The following CASS4 variants were observed in gnomAD, a reference collection of about 807,000 sequenced individuals.
CASS4 encodes cas scaffolding protein family member 4.
Under a neutral mutation model 54.2 loss-of-function variants are expected in CASS4, and 22 were observed. The observed-to-expected ratio is 0.41, with a 90% CI of 0.29 to 0.58. The LOEUF (loss-of-function observed/expected upper bound fraction) is 0.58. Among genes scored for constraint, CASS4 ranks in the 20% least tolerant of loss-of-function variants. The pLI is 0.36. For missense variants in CASS4, 854 were observed against 986.7 expected, an observed-to-expected ratio of 0.87 and a Z score of 1.80; for synonymous variants, 409 against 391.5, an observed-to-expected ratio of 1.04 and a Z score of -0.53.
At chr20:56,450,723 A>G (rs765902094) in intron 4 of CASS4, 44 bp downstream of exon 4, 6 of 1,574,296 alleles carry the variant, frequency 3.8e-6, no homozygotes, top group African/African-American at 2.7e-5. Flanking sequence ...TGAACACACA[A>G]AATCCTCTCA....
In CASS4 at chr20:56,452,021, C is replaced by T. The variant is rs199808780; in HGVS notation, c.845C>T (p.Pro282Leu). The T allele has an allele frequency of 1.9e-4, 302 of 1,614,220 alleles. 1 individual carries two copies. The South Asian group carries it at 2.8e-3, about 15-fold the overall frequency. The change falls in exon 5 of 6, where the codon CCT becomes CTT. Residue 282 changes from proline (P) to leucine (L), a missense_variant. Pro to Leu is a moderately conservative substitution (Grantham distance 98). Coordinates refer to ENST00000679887, the MANE Select transcript of CASS4 (RefSeq NM_020356.4). ...AGTTCCAGCTCCACTTTCTACAATCCTCCAAGTGGCAGATCCAGGTCCCTC... is the reference window on the plus strand; with the variant it reads ...AGTTCCAGCTCCACTTTCTACAATCTTCCAAGTGGCAGATCCAGGTCCCTC... ...LPSSSSTFYNPPSGRSRSLTP... is the reference protein window; with the variant it reads ...LPSSSSTFYNLPSGRSRSLTP...
chr20:56,437,499 G>A lies in CASS4; in HGVS notation c.372G>A (p.Gln124=), dbSNP rs781026591. ...EQMRSWAEGP[Q]PPTAQVYEFP... is the part of the protein sequence containing the mutation. ...TGAGGAGTTGGGCGGAGGGGCCCCAGCCCCCTACTGCCCAAGTCTATGAAT... is the reference window on the plus strand; with the variant it reads ...TGAGGAGTTGGGCGGAGGGGCCCCAACCCCCTACTGCCCAAGTCTATGAAT... Residue 124 remains glutamine, a synonymous_variant, in exon 2 of 6, where the codon CAG becomes CAA. Coordinates refer to ENST00000679887, the MANE Select transcript of CASS4 (RefSeq NM_020356.4). The surrounding 1 kb of genome is among the most constrained non-coding windows in gnomAD (Gnocchi z 4.7). 4 of 1,603,880 alleles carry A rather than the reference G, an allele frequency of 2.5e-6. No homozygotes were observed. The highest frequency in any genetic ancestry group is 1.7e-5 in the Admixed American group (1 of 58,202).
intron 1 of CASS4, among the ~76,000 whole-genome samples, chr20:56,434,622 T>C (rs1297242560): frequency 6.6e-6 from 1 of 151,624 alleles, no homozygotes; most frequent in Non-Finnish European, 1.5e-5. Flanking sequence ...TTTTTTTGTA[T>C]TTTTAGTAGA....
At chr20:56,449,211 A>G (rs1245559611) in intron 3 of CASS4, among the ~76,000 whole-genome samples, 1 of 152,216 alleles carries the variant, frequency 6.6e-6, no homozygotes, top group Non-Finnish European at 1.5e-5. Flanking sequence ...AACCAACCCA[A>G]ATGTCCACCA....
intron 1 of CASS4, among the ~76,000 whole-genome samples, chr20:56,416,463 C>T (rs1011640233): frequency 2.8e-4 from 43 of 152,106 alleles, no homozygotes; most frequent in Non-Finnish European, 5.9e-5. Context: ...GCCTTAGTTA[C>T]GAAAATAGAG....
chr20:56,426,696 G>A (rs1477660967), intron 1 of CASS4, among the ~76,000 whole-genome samples: 1 of 152,060 alleles, frequency 6.6e-6, no homozygotes, highest in Non-Finnish European at 1.5e-5. Context: ...TCCAGCCTCA[G>A]CCTCCCAAGT....
chr20:56,451,479 G>A (rs376900), intron 4 of CASS4, among the ~76,000 whole-genome samples: 65,758 of 151,034 alleles, frequency 0.44, 14,385 homozygotes, highest in South Asian at 0.54. Flanking sequence ...GATGCATAGG[G>A]GTTTGGTGGA....
chr20:56,436,633 AAC>A (rs1239026878), intron 1 of CASS4, among the ~76,000 whole-genome samples: 10 of 152,010 alleles, frequency 6.6e-5, no homozygotes, highest in Non-Finnish European at 5.9e-5. Context: ...TGAACTACAT[AAC>A]TACAAGGGTC....
Position 56,458,602 on chromosome 20 carries a change from A to C in CASS4, c.2216A>C (p.His739Pro). Residue 739 changes from histidine (H) to proline (P), a missense_variant, in exon 6 of 6, where the codon CAC (histidine) becomes CCC (proline). Physicochemically the swap from His to Pro is moderately conservative, Grantham distance 77. Transcript: ENST00000679887. ...VRNEILRGSSHLCSLLKDVAL... is the reference protein window; with the variant it reads ...VRNEILRGSSPLCSLLKDVAL... ...AACGAGATCCTCCGTGGCAGCAGTC[A>C]CCTCTGCAGCCTGCTCAAGGACGTA... is the stretch of plus-strand genomic sequence containing the variant. 1.9e-6 allele frequency: 3 copies of C among 1,613,908 alleles called. No individual in the cohort carries two copies. Among genetic ancestry groups the C allele is most frequent in the East Asian group, 2.2e-5 (1 of 44,880 alleles).
chr20:56,445,452 C>T (rs972188650), intron 2 of CASS4, among the ~76,000 whole-genome samples: 3 of 152,178 alleles, frequency 2.0e-5, no homozygotes, highest in Admixed American at 1.3e-4. Flanking sequence ...CTGCCTATTG[C>T]GTGCACTTCT....
rs759018577 is a variant in CASS4, at chr20:56,452,934, C to T, written c.1758C>T (p.Leu586=). 1.9e-6 allele frequency: 3 copies of T among 1,613,966 alleles called. No homozygotes were observed. Among genetic ancestry groups the T allele is most frequent in the East Asian group, 2.2e-5 (1 of 44,866 alleles). ...FASIVIANGR[L]LFKRNCEKEE... ...CCATTGTCATTGCCAATGGAAGGCT[C>T]CTTTTTAAGCGGAACTGTGAAAAGG... is the stretch of plus-strand genomic sequence containing the variant. Residue 586 remains leucine, a synonymous_variant, in exon 5 of 6, where the codon CTC becomes CTT. Transcript: ENST00000679887.
At chr20:56,422,955 C>T (rs112472677) in intron 1 of CASS4, among the ~76,000 whole-genome samples, 61 of 152,312 alleles carry the variant, frequency 4.0e-4, no homozygotes, top group African/African-American at 1.3e-3. Flanking sequence ...TATTTGCATC[C>T]ATTTGGATGG....
intron 1 of CASS4, among the ~76,000 whole-genome samples, chr20:56,432,162 A>G (rs189680368): frequency 3.9e-5 from 6 of 152,296 alleles, no homozygotes; most frequent in African/African-American, 1.4e-4. Context: ...AAGGCATATT[A>G]GAGTGTGATT....
chr20:56,447,669 C>G (rs1234986834), intron 3 of CASS4, among the ~76,000 whole-genome samples: 1 of 152,232 alleles, frequency 6.6e-6, no homozygotes, highest in Non-Finnish European at 1.5e-5. Flanking sequence ...GCTGCTGGCT[C>G]CTCCCTTAGC....
chr20:56,453,578 T>G (rs1981145448), intron 5 of CASS4: 2 of 156,844 alleles, frequency 1.3e-5, no homozygotes, highest in East Asian at 1.9e-4. Flanking sequence ...GCCCCCAGAC[T>G]TCAGCTACTC....
chr20:56,421,611 G>A (rs573829430), intron 1 of CASS4, among the ~76,000 whole-genome samples: 3 of 152,270 alleles, frequency 2.0e-5, no homozygotes, highest in South Asian at 2.1e-4. Flanking sequence ...TGGGAGGATC[G>A]TTCGAGCCCA....
chr20:56,454,904 A>G (rs1050201966), intron 5 of CASS4, among the ~76,000 whole-genome samples: 8 of 152,198 alleles, frequency 5.3e-5, no homozygotes, highest in Non-Finnish European at 1.0e-4. Context: ...CCTGGAGATC[A>G]CTGAGTCTAA....
intron 1 of CASS4, among the ~76,000 whole-genome samples, chr20:56,418,480 A>G (rs1279437877): frequency 1.3e-5 from 2 of 152,198 alleles, no homozygotes. Flanking sequence ...AGGAGATGAC[A>G]TGATCTAATT....
intron 5 of CASS4, among the ~76,000 whole-genome samples, chr20:56,458,023 A>AG (rs899687348): frequency 6.6e-6 from 1 of 151,242 alleles, no homozygotes; most frequent in African/African-American, 2.4e-5. Context: ...TCAAAAAAAA[A>AG]AAAAAAAAAA....
Sources: gnomAD v4.1 joint callset for allele counts (sites outside exome capture counted in the v4.1 genomes callset) on GRCh38, gnomAD v4.1.1 for gene constraint, Gnocchi (gnomAD v3.1) non-coding constraint, MANE v1.5 for transcripts, NCBI Gene and HGNC (gene_info 2026-07-23, HGNC 2026-07-21) for gene names.